The following PRKN variants were observed in gnomAD, a reference collection of about 807,000 sequenced individuals.
PRKN encodes parkin RBR E3 ubiquitin protein ligase.
Under a neutral mutation model 59.5 loss-of-function variants are expected in PRKN, and 56 were observed. The ratio of observed to expected loss-of-function variants is 0.94; its 90% CI spans 0.76 to 1.18. The LOEUF is 1.18. Among genes scored for constraint, PRKN ranks in the 50% most tolerant of loss-of-function variants. PRKN has a pLI of 0.00. For synonymous variants in PRKN, 250 were observed against 222.1 expected, an observed-to-expected ratio of 1.13 and a Z score of -1.12; for missense variants, 657 against 596.4, an observed-to-expected ratio of 1.10 and a Z score of -1.06.
intron 7 of PRKN, among the ~76,000 whole-genome samples, chr6:161,710,874 TCCTTCCTTCTCTCCCTCC>T (rs1786716987): frequency 9.4e-6 from 1 of 106,172 alleles, no homozygotes; most frequent in Non-Finnish European, 1.9e-5. Flanking sequence ...TTTCCTTCCT[TCCTTCCTTCTCTCCCTCC>T]CTTTCCTTCC....
intron 7 of PRKN, 92 bp downstream of exon 7, chr6:161,785,680 G>A: frequency 8.4e-7 from 1 of 1,189,188 alleles, no homozygotes; most frequent in Non-Finnish European, 1.2e-6. Context: ...CTTCTGCTAG[G>A]GTTTACGTAT....
chr6:161,616,217 G>C (rs926749004), intron 7 of PRKN, among the ~76,000 whole-genome samples: 3 of 152,186 alleles, frequency 2.0e-5, no homozygotes, highest in African/African-American at 7.2e-5. Context: ...TTGCAGCTCA[G>C]AGTAAAAGGT....
At chr6:161,864,650 T>G (rs1303859623) in intron 6 of PRKN, among the ~76,000 whole-genome samples, 1 of 151,996 alleles carries the variant, frequency 6.6e-6, no homozygotes, top group Non-Finnish European at 1.5e-5. Context: ...TTGTTTGTTT[T>G]TGTTTTAGTT....
chr6:162,469,363 T>G (rs74670263), intron 1 of PRKN, among the ~76,000 whole-genome samples: 4,675 of 81,754 alleles, frequency 0.057, 163 homozygotes, highest in East Asian at 0.12. Context: ...GGGGGGTGGG[T>G]GACAGAGGAA....
At chr6:162,341,734 C>A (rs931442577) in intron 2 of PRKN, among the ~76,000 whole-genome samples, 1 of 151,744 alleles carries the variant, frequency 6.6e-6, no homozygotes, top group Non-Finnish European at 1.5e-5. Context: ...AGGGAGGGGA[C>A]CAACACACAC....
chr6:161,708,187 T>C (rs1395694708), intron 7 of PRKN, among the ~76,000 whole-genome samples: 2 of 152,178 alleles, frequency 1.3e-5, no homozygotes, highest in East Asian at 3.8e-4. Flanking sequence ...TATGAAATTG[T>C]GCATACGGCA....
chr6:161,836,902 G>A (rs1272810301), intron 6 of PRKN, among the ~76,000 whole-genome samples: 1 of 152,184 alleles, frequency 6.6e-6, no homozygotes, highest in African/African-American at 2.4e-5. Context: ...AATGCGGGCA[G>A]CAGCACCTGT....
rs113655758 is a variant in PRKN at position 162,147,431 on chromosome 6, A to G, written c.534+53700T>C. 8.7e-3 allele frequency among the ~76,000 whole-genome samples: 1,296 copies of G among 148,766 alleles called. 14 individuals carry two copies. The highest frequency in any genetic ancestry group is 0.03 in the African/African-American group (1,228 of 40,634). On this transcript the variant is annotated intron_variant, in intron 4 of 11. Transcript: ENST00000366898. ...AATCTCTTTCTTTAGTTGATTTTGT[A>G]TTGATGTTGCAACCTCAAGGGAACA...
At chr6:162,672,125 T>G (rs2128230436) in intron 1 of PRKN, among the ~76,000 whole-genome samples, 1 of 152,266 alleles carries the variant, frequency 6.6e-6, no homozygotes, top group South Asian at 2.1e-4. Flanking sequence ...CATTTTAACT[T>G]GGCAACATCA....
rs1583188690 is a variant in PRKN at position 161,525,343 on chromosome 6, TC to T, written c.1083+23510del. 6.6e-6 allele frequency among the ~76,000 whole-genome samples: 1 copy of T among 152,150 alleles called. No homozygotes were observed. The highest frequency in any genetic ancestry group is 2.4e-5 in the African/African-American group (1 of 41,436). On this transcript the variant is annotated intron_variant, in intron 9 of 11. Coordinates refer to ENST00000366898, the MANE Select transcript of PRKN (RefSeq NM_004562.3). The surrounding 1 kb of genome is among the most constrained non-coding windows in gnomAD (Gnocchi z 4.7). ...GGGCCTGGAGATGAGGGTCCACCTC[TC>T]CCAGGTCCTGAGGACTTTCCTCCTG... is the stretch of plus-strand genomic sequence containing the variant.
intron 1 of PRKN, among the ~76,000 whole-genome samples, chr6:162,600,515 C>T (rs1220477909): frequency 1.3e-5 from 2 of 152,178 alleles, no homozygotes; most frequent in Non-Finnish European, 2.9e-5. Context: ...AGATCCCATA[C>T]CCCAAAACGC....
chr6:161,508,757 T>A (rs1008945387), intron 9 of PRKN, among the ~76,000 whole-genome samples: 15 of 152,116 alleles, frequency 9.9e-5, no homozygotes, highest in African/African-American at 3.4e-4. Context: ...GTAGCCTACT[T>A]TTTTTCCCCC....
chr6:161,434,550 C>T (rs1788795571), intron 9 of PRKN, among the ~76,000 whole-genome samples: 1 of 152,182 alleles, frequency 6.6e-6, no homozygotes, highest in Non-Finnish European at 1.5e-5. Context: ...CTTGTGTAGA[C>T]ACAAGACTAT....
At chr6:161,812,079 C>A (rs1421082301) in intron 6 of PRKN, among the ~76,000 whole-genome samples, 3 of 151,956 alleles carry the variant, frequency 2.0e-5, no homozygotes, top group Non-Finnish European at 4.4e-5. Context: ...TGGACTTCAT[C>A]AAAATTAAAA....
intron 1 of PRKN, among the ~76,000 whole-genome samples, chr6:162,663,215 A>G (rs1394775106): frequency 6.6e-6 from 1 of 152,188 alleles, no homozygotes; most frequent in Non-Finnish European, 1.5e-5. Flanking sequence ...TAATTCTTCC[A>G]ATGCTCACAA....
chr6:162,559,143 T>A (rs1161526361), intron 1 of PRKN, among the ~76,000 whole-genome samples: 2 of 110,116 alleles, frequency 1.8e-5, no homozygotes, highest in East Asian at 2.6e-4. Context: ...AGAGCAAGAT[T>A]CCGTCTCAAA....
At chr6:161,618,525 T>C (rs906997222) in intron 7 of PRKN, among the ~76,000 whole-genome samples, 1 of 152,166 alleles carries the variant, frequency 6.6e-6, no homozygotes, top group Non-Finnish European at 1.5e-5. Context: ...AAACTAAAGG[T>C]TTATTCTCAG....
chr6:161,835,737 C>A (rs913099877), intron 6 of PRKN, among the ~76,000 whole-genome samples: 4 of 152,198 alleles, frequency 2.6e-5, no homozygotes, highest in African/African-American at 9.7e-5. Flanking sequence ...GCCGGCAGCA[C>A]GTGCTCTTAA....
intron 6 of PRKN, among the ~76,000 whole-genome samples, chr6:161,902,184 C>T (rs550355318): frequency 3.3e-5 from 5 of 152,256 alleles, no homozygotes; most frequent in African/African-American, 1.2e-4. Flanking sequence ...CTGCCTCTTT[C>T]CAGCAATGCG....
Sources: gnomAD v4.1 joint callset for allele counts (sites outside exome capture counted in the v4.1 genomes callset) on GRCh38, gnomAD v4.1.1 for gene constraint, Gnocchi (gnomAD v3.1) non-coding constraint, MANE v1.5 for transcripts, NCBI Gene and HGNC (gene_info 2026-07-23, HGNC 2026-07-21) for gene names.